The following ATF6 variants were observed in gnomAD, a reference collection of about 807,000 sequenced individuals.
ATF6 encodes cyclic AMP-dependent transcription factor ATF-6 alpha.
ATF6 carries 53 observed loss-of-function variants against 83.6 expected under a neutral mutation model. That is an observed-to-expected ratio of 0.63 (90% CI 0.51 to 0.80). The LOEUF (loss-of-function observed/expected upper bound fraction) is 0.80, where lower values mean the gene tolerates loss of function less well. Ranked by LOEUF, ATF6 falls within the 30% of genes least tolerant of loss-of-function variation. The probability of loss-of-function intolerance (pLI) is 0.00; values close to 1 mark genes in which losing one functional copy is unlikely to be tolerated. For missense variants in ATF6, 744 were observed against 797.9 expected (o/e 0.93, Z 0.81); for synonymous variants, 288 against 285.8 (o/e 1.01, Z -0.08).
At chr1:161,773,349 G>T (rs1571116173) in intron 1 of ATF6, among the ~76,000 whole-genome samples, 1 of 151,880 alleles carries the variant, frequency 6.6e-6, no homozygotes, top group East Asian at 1.9e-4. Flanking sequence ...GTGTTAGCCG[G>T]GATGGTCTTG....
intron 15 of ATF6, among the ~76,000 whole-genome samples, chr1:161,935,859 G>A (rs916965858): frequency 2.6e-5 from 4 of 152,074 alleles, no homozygotes; most frequent in South Asian, 4.1e-4. Flanking sequence ...CTAAAGAAAC[G>A]GAATTGATTA....
rs566213291 is a variant in ATF6 at position 161,816,588 on chromosome 1, T to G, written c.910-3045T>G. Among the ~76,000 whole-genome samples, 9 of 152,318 alleles carry G rather than the reference T, an allele frequency of 5.9e-5. No individual in the cohort carries two copies. In the South Asian group the frequency reaches 1.7e-3, roughly 28 times the overall value. ...ACTGTCTTAACAGTGGATTAAATGA[T>G]GAGGCTTATTTTAAAGAATCTTGAA... is the stretch of plus-strand genomic sequence containing the variant. On this transcript the variant is annotated intron_variant, in intron 7 of 15. Coordinates refer to ENST00000367942, the MANE Select transcript of ATF6 (RefSeq NM_007348.4).
At chr1:161,838,852 A>G (rs772188312) in intron 9 of ATF6, among the ~76,000 whole-genome samples, 17 of 152,126 alleles carry the variant, frequency 1.1e-4, no homozygotes, top group Non-Finnish European at 2.1e-4. Flanking sequence ...TTGAAGGTCT[A>G]TTTCTTCATT....
At chr1:161,879,026 C>T (rs1687273823) in intron 14 of ATF6, among the ~76,000 whole-genome samples, 1 of 152,062 alleles carries the variant, frequency 6.6e-6, no homozygotes, top group Non-Finnish European at 1.5e-5. Context: ...AAAGAGAAGT[C>T]GAGTCCTTGA....
In ATF6 at chr1:161,915,921, C is replaced by T. The variant is rs1435392731; in HGVS notation, c.1804+3541C>T. On this transcript the variant is annotated intron_variant, in intron 15 of 15. Transcript: ENST00000367942. ...TACAGACATGAGCCACTGCACCCAG[C>T]CCAAAATGTCTTAATATTACTGTTA... Among the ~76,000 whole-genome samples the T allele has an allele frequency of 2.0e-5, 3 of 152,170 alleles. No homozygotes were observed. In the East Asian group the frequency reaches 5.8e-4, roughly 29 times the overall value.
rs774857491 is a variant in ATF6 at position 161,792,218 on chromosome 1, A to G, written c.579A>G (p.Gln193=). 4 of 1,614,024 alleles carry G rather than the reference A, an allele frequency of 2.5e-6. No homozygotes were observed. Among genetic ancestry groups the G allele is most frequent in the Admixed American group, 3.3e-5 (2 of 60,000 alleles). The part of the protein sequence containing the change: ...PLLLPAAPKT[Q]TNSSVPAKTI... Reference sequence around the variant, plus strand: ...TGCTTCCAGCAGCACCCAAGACTCAAACAAACTCCAGTGTTCCAGCAAAAA... The same window carrying G: ...TGCTTCCAGCAGCACCCAAGACTCAGACAAACTCCAGTGTTCCAGCAAAAA... Residue 193 remains glutamine (Q), a synonymous_variant, in exon 6 of 16, where the codon CAA becomes CAG. Coordinates refer to ENST00000367942, the MANE Select transcript of ATF6 (RefSeq NM_007348.4).
chr1:161,928,026 C>T (rs1294198706), intron 15 of ATF6, among the ~76,000 whole-genome samples: 1 of 151,968 alleles, frequency 6.6e-6, no homozygotes, highest in African/African-American at 2.4e-5. Flanking sequence ...TTTTTGAGTA[C>T]CCACCATTTA....
chr1:161,897,593 G>A (rs1387316351), intron 14 of ATF6, among the ~76,000 whole-genome samples: 1 of 152,082 alleles, frequency 6.6e-6, no homozygotes, highest in African/African-American at 2.4e-5. Context: ...TTCTGTTCGG[G>A]AGGAAGCCTG....
intron 15 of ATF6, among the ~76,000 whole-genome samples, chr1:161,945,307 C>CA (rs1688727156): frequency 6.6e-6 from 1 of 152,220 alleles, no homozygotes; most frequent in Admixed American, 6.5e-5. Context: ...CCAATGCCCT[C>CA]AGTCACCTTC....
intron 9 of ATF6, among the ~76,000 whole-genome samples, chr1:161,835,254 T>C (rs1009928955): frequency 6.6e-6 from 1 of 152,122 alleles, no homozygotes; most frequent in Non-Finnish European, 1.5e-5. Context: ...TGACATCTTA[T>C]TATGTTGCTC....
Position 161,958,762 on chromosome 1 carries a change from A to C in ATF6, c.*108A>C. On this transcript the variant is annotated 3_prime_UTR_variant, in exon 16 of 16. Transcript: ENST00000367942. The stretch of plus-strand genomic sequence containing the variant: ...GGTGGCAGGCAGAGAACTGTCTCGT[A>C]CTAGAATTCAAGGAGGAAAGAAGAA... 1.1e-6 allele frequency: 1 copy of C among 920,722 alleles called. No individual in the cohort carries two copies. The highest frequency in any genetic ancestry group is 1.6e-6 in the Non-Finnish European group (1 of 625,630). 57.0% of individuals were successfully genotyped at this position (920,722 alleles called of 1,614,324 possible).
At chr1:161,948,570 T>C (rs1473730912) in intron 15 of ATF6, among the ~76,000 whole-genome samples, 2 of 152,206 alleles carry the variant, frequency 1.3e-5, no homozygotes, top group Non-Finnish European at 2.9e-5. Flanking sequence ...AAACTTAAAA[T>C]TTACATTTTT....
intron 10 of ATF6, among the ~76,000 whole-genome samples, chr1:161,849,598 T>TA (rs1386408082): frequency 1.3e-5 from 2 of 152,146 alleles, no homozygotes; most frequent in African/African-American, 4.8e-5. Context: ...TTCCTTTTTT[T>TA]ATTGGCTGCT....
intron 15 of ATF6, among the ~76,000 whole-genome samples, chr1:161,930,029 T>A (rs779144907): frequency 3.3e-4 from 50 of 152,196 alleles, no homozygotes; most frequent in Non-Finnish European, 6.2e-4. Flanking sequence ...TCAGTTAGTA[T>A]CCTCATCTAT....
intron 9 of ATF6, among the ~76,000 whole-genome samples, chr1:161,830,896 T>A: frequency 6.6e-6 from 1 of 151,594 alleles, no homozygotes; most frequent in East Asian, 1.9e-4. Flanking sequence ...GGGCAACGAC[T>A]TCATGTCTAA....
chr1:161,826,784 G>A (rs1481690604), intron 9 of ATF6, among the ~76,000 whole-genome samples: 2 of 152,228 alleles, frequency 1.3e-5, no homozygotes, highest in East Asian at 3.9e-4. Flanking sequence ...ACTATTTCTT[G>A]TAGACAAAAT....
At chr1:161,890,870 AGCACAG>A (rs2101868802) in intron 14 of ATF6, 1 of 152,628 alleles carries the variant, frequency 6.6e-6, no homozygotes, top group African/African-American at 2.4e-5. Context: ...GCGAGGCCCA[AGCACAG>A]CTGGCCAAGG....
chr1:161,928,629 A>ATTT (rs1688369631), intron 15 of ATF6, among the ~76,000 whole-genome samples: 1 of 150,642 alleles, frequency 6.6e-6, no homozygotes, highest in African/African-American at 2.4e-5. Flanking sequence ...CTTTTTTTTA[A>ATTT]AAAAAAAAGC....
intron 15 of ATF6, among the ~76,000 whole-genome samples, chr1:161,932,566 A>C (rs1007130445): frequency 1.3e-5 from 2 of 152,240 alleles, no homozygotes; most frequent in African/African-American, 4.8e-5. Context: ...TTGATTAGCT[A>C]CTATTAAGAA....
Sources: allele counts gnomAD v4.1 joint callset (sites outside exome capture counted in the v4.1 genomes callset), GRCh38; gene constraint gnomAD v4.1.1; transcripts MANE v1.5; gene names NCBI Gene and HGNC (gene_info 2026-07-23, HGNC 2026-07-21).